ASAH2: variants seen among roughly 807,000 people sequenced by gnomAD.
The protein encoded by ASAH2 is neutral ceramidase.
ASAH2 carries 58 observed loss-of-function variants against 82.9 expected under a neutral mutation model. The ratio of observed to expected loss-of-function variants is 0.70; its 90% CI spans 0.57 to 0.87. The LOEUF (loss-of-function observed/expected upper bound fraction) is 0.87. ASAH2 is among the 40% of genes least tolerant of loss of function. ASAH2 has a pLI of 0.00. For synonymous variants in ASAH2, 276 were observed against 289.7 expected (o/e 0.95, Z 0.48); for missense variants, 779 against 834.0 (o/e 0.93, Z 0.81).
At chr10:50,219,593 A>G (rs1324544910) in intron 7 of ASAH2, among the ~76,000 whole-genome samples, 1 of 152,218 alleles carries the variant, frequency 6.6e-6, no homozygotes, top group Non-Finnish European at 1.5e-5. Flanking sequence ...TAAAAAAAAA[A>G]TTGTTGATTC....
chr10:50,218,575 C>T lies in ASAH2; in HGVS notation c.949G>A (p.Asp317Asn), dbSNP rs1002684609. ...AGGTAAGATGCATAGCCCACATTGT[C>T]ACTGTTTACAAGATGGTTACTGTTG... The part of the protein sequence containing the change: ...MNNSNHLVNS[D>N]NVGYASYLLE... Residue 317 changes from aspartate (D) to asparagine (N), a missense_variant, in exon 8 of 21, where the codon GAC (aspartate) becomes AAC (asparagine). Asp to Asn is a conservative substitution (Grantham distance 23). Coordinates refer to ENST00000682911, the MANE Select transcript of ASAH2 (RefSeq NM_019893.4). 7.7e-5 allele frequency: 124 copies of T among 1,613,748 alleles called. No individual in the cohort carries two copies. In the South Asian group the frequency reaches 1.3e-3, roughly 17 times the overall value.
In ASAH2 at chr10:50,238,180, C is replaced by A. The variant is rs897652673; in HGVS notation, c.511-2116G>T. ...AGCTCACAATGTTTCTGAATATTTACAAATTGGTTCTTATGAGCTTGTGCA... is the reference window on the plus strand; with the variant it reads ...AGCTCACAATGTTTCTGAATATTTAAAAATTGGTTCTTATGAGCTTGTGCA... On this transcript the variant is annotated intron_variant, in intron 4 of 20. Coordinates refer to ENST00000682911, the MANE Select transcript of ASAH2 (RefSeq NM_019893.4). 3.2e-4 allele frequency among the ~76,000 whole-genome samples: 48 copies of A among 152,246 alleles called. 2 individuals are homozygous for A. The highest frequency in any genetic ancestry group is 1.1e-3 in the African/African-American group (47 of 41,562).
rs114108618 is a variant in ASAH2 at position 50,248,498 on chromosome 10, A to G, written c.113T>C (p.Ile38Thr). ...LSLLFITSGT[I>T]ENHKDLGGHF... ...ATGACACTTGCCTTTGTGGTTTTCA[A>G]TGGTCCCACTGGTGATAAACAAGAG... The change falls in exon 2 of 21, where the codon ATT (isoleucine) becomes ACT (threonine). Residue 38 changes from isoleucine to threonine, a missense_variant. Physicochemically the swap from Ile to Thr is moderately conservative, Grantham distance 89 (BLOSUM62 -1). This residue lies in a region of ASAH2 where 759 missense variants were observed against 755.2 expected (regional missense o/e 1.00). Coordinates refer to ENST00000682911, the MANE Select transcript of ASAH2 (RefSeq NM_019893.4). 1.9e-4 allele frequency: 312 copies of G among 1,613,688 alleles called. No homozygotes were observed. In the East Asian group the frequency reaches 2.6e-3, roughly 13 times the overall value.
At chr10:50,212,762 CT>C (rs2133208026) in intron 10 of ASAH2, among the ~76,000 whole-genome samples, 1 of 152,218 alleles carries the variant, frequency 6.6e-6, no homozygotes, top group East Asian at 1.9e-4. Flanking sequence ...TTTAAATGTA[CT>C]TCCTATAAGA....
chr10:50,244,942 T>C (rs556647013), intron 3 of ASAH2, among the ~76,000 whole-genome samples: 5 of 152,108 alleles, frequency 3.3e-5, no homozygotes, highest in African/African-American at 1.2e-4. Flanking sequence ...TGATGTCATT[T>C]AAGGTGCCTG....
In ASAH2 at chr10:50,236,439, C is replaced by T. The variant is rs990745172; in HGVS notation, c.511-375G>A. ...ACAGCAGCATGGGGGTACCCACCCT[C>T]ATGATTCAATTACCTCCCATGGGGT... On this transcript the variant is annotated intron_variant, in intron 4 of 20. Coordinates refer to ENST00000682911, the MANE Select transcript of ASAH2 (RefSeq NM_019893.4). Among the ~76,000 whole-genome samples the T allele has an allele frequency of 1.3e-4, 20 of 152,172 alleles. No homozygotes were observed. In the East Asian group the frequency reaches 3.3e-3, roughly 25 times the overall value.
intron 10 of ASAH2, 105 bp from the exon 11 acceptor site, chr10:50,211,239 C>T: frequency 1.1e-6 from 1 of 877,526 alleles, no homozygotes; most frequent in South Asian, 1.5e-5. Flanking sequence ...ATGCATCTCT[C>T]AGCAAAGCTT....
intron 7 of ASAH2, among the ~76,000 whole-genome samples, chr10:50,224,194 T>A (rs1289394164): frequency 1.3e-5 from 2 of 152,098 alleles, no homozygotes; most frequent in African/African-American, 4.8e-5. Flanking sequence ...AGTACCTGCA[T>A]TTGACAATTA....
Position 50,243,234 on chromosome 10 carries a change from T to G in ASAH2, c.478A>C (p.Ile160Leu). ...CTGAGCCTTTGTGATACCATGCCTA[T>G]GTCGATGCTGACAAACACTGTTCGA... The part of the protein sequence containing the change: ...SNRTVFVSID[I>L]GMVSQRLRLE... Residue 160 changes from isoleucine to leucine, a missense_variant, in exon 4 of 21, where the codon ATA (isoleucine) becomes CTA (leucine). By Grantham distance (5) the Ile-to-Leu change is conservative. This residue lies in a region of ASAH2 where 759 missense variants were observed against 755.2 expected (regional missense o/e 1.00). Transcript: ENST00000682911. The G allele has an allele frequency of 6.2e-7, 1 of 1,614,142 alleles. No homozygotes were observed. Among genetic ancestry groups the G allele is most frequent in the Non-Finnish European group, 8.5e-7 (1 of 1,179,962 alleles).
intron 12 of ASAH2, among the ~76,000 whole-genome samples, chr10:50,208,804 A>G (rs1232621851): frequency 6.6e-6 from 1 of 152,166 alleles, no homozygotes; most frequent in African/African-American, 2.4e-5. Context: ...AAAAATTTAC[A>G]AGCTGATTCT....
intron 4 of ASAH2, chr10:50,240,571 G>A: frequency 1.4e-6 from 1 of 702,218 alleles, no homozygotes; most frequent in Non-Finnish European, 2.6e-6. Context: ...TTAAAAACAA[G>A]CTGGCATCTC....
chr10:50,242,227 A>G (rs1405107398), intron 4 of ASAH2, among the ~76,000 whole-genome samples: 1 of 152,088 alleles, frequency 6.6e-6, no homozygotes, highest in Non-Finnish European at 1.5e-5. Flanking sequence ...TGGGGAAAAC[A>G]CTTAATCCCT....
chr10:50,225,420 A>T (rs1845852536), intron 7 of ASAH2, among the ~76,000 whole-genome samples: 1 of 152,222 alleles, frequency 6.6e-6, no homozygotes, highest in African/African-American at 2.4e-5. Flanking sequence ...TCTGTCAAAC[A>T]ATAAAAATTA....
At position 50,248,618 on chromosome 10, in the gene ASAH2, C is replaced by G; in HGVS notation, c.-8G>C. On this transcript the variant is annotated 5_prime_UTR_variant, in exon 2 of 21. Coordinates refer to ENST00000682911, the MANE Select transcript of ASAH2 (RefSeq NM_019893.4). ...GAAGGTGCGTTTGGCCATTTCTTCTCAGGTACAGCAGAGATGGAAGAAGAA... is the reference window on the plus strand; with the variant it reads ...GAAGGTGCGTTTGGCCATTTCTTCTGAGGTACAGCAGAGATGGAAGAAGAA... 1.9e-6 allele frequency: 3 copies of G among 1,610,702 alleles called. No individual in the cohort carries two copies. The highest frequency in any genetic ancestry group is 2.2e-5 in the South Asian group (2 of 90,170).
chr10:50,204,123 G>A (rs1445802731), intron 14 of ASAH2, among the ~76,000 whole-genome samples: 1 of 151,976 alleles, frequency 6.6e-6, no homozygotes, highest in East Asian at 1.9e-4. Flanking sequence ...GATCATGTAG[G>A]AGCTTGCAAG....
intron 7 of ASAH2, among the ~76,000 whole-genome samples, chr10:50,225,862 G>A (rs1195057278): frequency 7.2e-5 from 11 of 152,118 alleles, no homozygotes; most frequent in East Asian, 1.9e-4. Context: ...AGGCCGAGGC[G>A]GGCAGATCAC....
chr10:50,239,542 G>A (rs1290136218), intron 4 of ASAH2, among the ~76,000 whole-genome samples: 2 of 152,122 alleles, frequency 1.3e-5, no homozygotes, highest in Admixed American at 6.6e-5. Context: ...CAGAAAAGCA[G>A]TATAGTATAG....
intron 6 of ASAH2, among the ~76,000 whole-genome samples, 173 bp downstream of exon 6, chr10:50,234,252 C>T (rs1846089592): frequency 6.6e-6 from 1 of 151,988 alleles, no homozygotes; most frequent in African/African-American, 2.4e-5. Flanking sequence ...TTTGTTTCTA[C>T]ATTCACTTTT....
chr10:50,240,151 C>T (rs1001126232), intron 4 of ASAH2, among the ~76,000 whole-genome samples: 1 of 152,054 alleles, frequency 6.6e-6, no homozygotes, highest in Non-Finnish European at 1.5e-5. Flanking sequence ...TTTCCTATCC[C>T]ACCACCACGT....
Sources: allele counts gnomAD v4.1 joint callset (sites outside exome capture counted in the v4.1 genomes callset), GRCh38; gene constraint gnomAD v4.1.1; regional missense constraint gnomAD v4.1.1; transcripts MANE v1.5; gene names NCBI Gene and HGNC (gene_info 2026-07-23, HGNC 2026-07-21).